Variants in STPG2 observed in about 807,000 individuals in gnomAD.
STPG2 encodes sperm tail PG-rich repeat containing 2.
In STPG2, 56 loss-of-function variants were observed where a neutral mutation model predicts 54.2. That is an observed-to-expected ratio of 1.03 (90% CI 0.83 to 1.29). The LOEUF (loss-of-function observed/expected upper bound fraction) is 1.29. STPG2 is among the 50% of genes most tolerant of loss of function. The pLI, the probability that STPG2 is intolerant of heterozygous loss-of-function variation, is 0.00. For missense variants in STPG2, 596 were observed against 544.9 expected (o/e 1.09, Z -0.93); for synonymous variants, 200 against 181.8 (o/e 1.10, Z -0.81).
chr4:97,732,724 T>G (rs1488722609), intron 9 of STPG2, among the ~76,000 whole-genome samples: 1 of 150,472 alleles, frequency 6.6e-6, no homozygotes, highest in Non-Finnish European at 1.5e-5. Flanking sequence ...CTAAAAAGAA[T>G]TCAAACAAAT....
At chr4:98,091,529 T>C (rs1398882748) in intron 5 of STPG2, among the ~76,000 whole-genome samples, 1 of 152,054 alleles carries the variant, frequency 6.6e-6, no homozygotes, top group African/African-American at 2.4e-5. Flanking sequence ...CCAAGCAAAA[T>C]CAACGCATTT....
chr4:97,800,429 G>A (rs531022258), intron 9 of STPG2, among the ~76,000 whole-genome samples: 14 of 152,238 alleles, frequency 9.2e-5, no homozygotes, highest in Admixed American at 1.3e-4. Context: ...AGGCCTGTTA[G>A]AGTTTGCTGG....
At chr4:97,620,981 T>G (rs192492878) in intron 10 of STPG2, among the ~76,000 whole-genome samples, 1 of 151,884 alleles carries the variant, frequency 6.6e-6, no homozygotes, top group Admixed American at 6.6e-5. Flanking sequence ...AGTAAGAAAA[T>G]TGCTCAAAAC....
chr4:97,723,696 G>A (rs915702736), intron 9 of STPG2, among the ~76,000 whole-genome samples: 3 of 152,122 alleles, frequency 2.0e-5, no homozygotes, highest in African/African-American at 7.2e-5. Flanking sequence ...AGGTTTAATT[G>A]ACTCACATTT....
At chr4:97,465,835 T>A (rs1346689188) in intron 4 of STPG2, among the ~76,000 whole-genome samples, 1 of 152,088 alleles carries the variant, frequency 6.6e-6, no homozygotes, top group South Asian at 2.1e-4. Flanking sequence ...TTTTGATCCA[T>A]GGTTGGTGAA....
Position 97,943,964 on chromosome 4 carries a change from G to A in STPG2, c.977C>T (p.Pro326Leu), listed in dbSNP as rs769996165. ...AGCAGCATATTTGTTAGTCAAGTTA[G>A]GTAATTCATCAGAAATTCCCACACC... ...SQGVGISDEL[P>L]NLTNKYAAFL... The change falls in exon 8 of 11, where the codon CCT becomes CTT. Residue 326 changes from proline to leucine, a missense_variant. Coordinates refer to ENST00000295268, the MANE Select transcript of STPG2 (RefSeq NM_174952.3). The A allele has an allele frequency of 1.9e-6, 3 of 1,606,356 alleles. No homozygotes were observed. The Admixed American group carries it at 5.1e-5, about 28-fold the overall frequency.
chr4:98,025,592 G>A, intron 5 of STPG2: 1 of 744,584 alleles, frequency 1.3e-6, no homozygotes, highest in South Asian at 1.4e-5. Flanking sequence ...TGCCCATATA[G>A]ACAGGGATAT....
At chr4:97,620,835 T>C (rs1277990423) in intron 10 of STPG2, among the ~76,000 whole-genome samples, 1 of 152,044 alleles carries the variant, frequency 6.6e-6, no homozygotes, top group Non-Finnish European at 1.5e-5. Flanking sequence ...ATATACATTC[T>C]CTCATCACCA....
intron 7 of STPG2, among the ~76,000 whole-genome samples, chr4:97,944,440 A>T (rs1023903781): frequency 1.3e-5 from 2 of 152,010 alleles, no homozygotes; most frequent in Non-Finnish European, 2.9e-5. Context: ...AAGCAAAATG[A>T]TCCACTCACT....
intron 7 of STPG2, among the ~76,000 whole-genome samples, chr4:97,966,228 T>C (rs1410483465): frequency 1.3e-5 from 2 of 152,190 alleles, no homozygotes; most frequent in African/African-American, 2.4e-5. Flanking sequence ...AAGAACTTCA[T>C]GATGCATGCA....
At chr4:97,943,481 T>C (rs1228176208) in intron 8 of STPG2, among the ~76,000 whole-genome samples, 3 of 152,184 alleles carry the variant, frequency 2.0e-5, no homozygotes, top group Non-Finnish European at 1.5e-5. Flanking sequence ...AGCCATACCA[T>C]TTAACATACA....
chr4:97,448,753 A>G (rs535527315), intron 4 of STPG2, among the ~76,000 whole-genome samples: 9 of 152,248 alleles, frequency 5.9e-5, no homozygotes, highest in African/African-American at 1.9e-4. Flanking sequence ...TTAGTAGATT[A>G]TATTTTGCCT....
At chr4:98,078,398 G>C (rs752170205) in intron 5 of STPG2, among the ~76,000 whole-genome samples, 6 of 151,926 alleles carry the variant, frequency 3.9e-5, no homozygotes, top group Admixed American at 1.3e-4. Context: ...CAGGACCCTA[G>C]TCTTCAGATT....
intron 10 of STPG2, among the ~76,000 whole-genome samples, chr4:97,625,913 T>TA (rs1370586718): frequency 6.6e-6 from 1 of 152,204 alleles, no homozygotes; most frequent in African/African-American, 2.4e-5. Flanking sequence ...CCACAGATAT[T>TA]ACTGATCCCA....
chr4:97,488,319 A>G (rs1730421054), intron 4 of STPG2, among the ~76,000 whole-genome samples: 2 of 151,716 alleles, frequency 1.3e-5, no homozygotes, highest in African/African-American at 2.4e-5. Context: ...AAGCACTTCA[A>G]ATACATTAAT....
intron 5 of STPG2, among the ~76,000 whole-genome samples, chr4:97,985,723 A>G (rs928260008): frequency 6.6e-6 from 1 of 152,104 alleles, no homozygotes; most frequent in African/African-American, 2.4e-5. Context: ...TTTCCCCATC[A>G]TCCCCTTAAA....
intron 5 of STPG2, among the ~76,000 whole-genome samples, chr4:98,071,098 C>T (rs1393132566): frequency 6.6e-6 from 1 of 151,784 alleles, no homozygotes; most frequent in Admixed American, 6.6e-5. Flanking sequence ...AAAAAAAGCC[C>T]AAATAGCCAA....
chr4:97,832,295 C>T (rs1322382057), intron 9 of STPG2, among the ~76,000 whole-genome samples: 1 of 152,090 alleles, frequency 6.6e-6, no homozygotes, highest in Non-Finnish European at 1.5e-5. Context: ...TCAATAGATG[C>T]AGAAAAGGCC....
Position 97,559,067 on chromosome 4 carries a change from A to G in STPG2, c.1371T>C (p.Asp457=). The change falls in exon 11 of 11, where the codon GAT becomes GAC. Residue 457 remains aspartate (D), a synonymous_variant. Transcript: ENST00000295268. ...TTGCCATAAATTTATGTCACATTAT[A>G]TCAGCAGCCATTTCACCAATGAGAT... ...KGNLIGEMAA[D]IM is the part of the protein sequence containing the mutation. 1 of 1,604,356 alleles carries G rather than the reference A, an allele frequency of 6.2e-7. No individual in the cohort carries two copies. The highest frequency in any genetic ancestry group is 8.5e-7 in the Non-Finnish European group (1 of 1,176,308).
Sources: gnomAD v4.1 joint callset for allele counts (sites outside exome capture counted in the v4.1 genomes callset) on GRCh38, gnomAD v4.1.1 for gene constraint, MANE v1.5 for transcripts, NCBI Gene and HGNC (gene_info 2026-07-23, HGNC 2026-07-21) for gene names.